Variants in CRYZ observed in about 807,000 individuals in gnomAD.
CRYZ encodes crystallin zeta.
Under a neutral mutation model 34.1 loss-of-function variants are expected in CRYZ, and 35 were observed. The ratio of observed to expected loss-of-function variants is 1.03; its 90% confidence interval spans 0.78 to 1.36. The LOEUF (loss-of-function observed/expected upper bound fraction) is 1.36, where lower values mean the gene tolerates loss of function less well. CRYZ is among the 40% of genes most tolerant of loss of function. The pLI is 0.00. For synonymous variants in CRYZ, 137 were observed against 136.5 expected, an observed-to-expected ratio of 1.00 and a Z score of -0.03; for missense variants, 403 against 391.8, an observed-to-expected ratio of 1.03 and a Z score of -0.24.
intron 1 of CRYZ, among the ~76,000 whole-genome samples, chr1:74,732,264 G>A (rs559040752): frequency 1.4e-5 from 2 of 146,568 alleles, no homozygotes; most frequent in Non-Finnish European, 3.0e-5. Flanking sequence ...GCTGTGCGAA[G>A]GGGCACTACC....
chr1:74,725,410 T>A (rs1394016881), intron 1 of CRYZ, among the ~76,000 whole-genome samples: 2 of 152,144 alleles, frequency 1.3e-5, no homozygotes, highest in Non-Finnish European at 2.9e-5. Context: ...ACAAGAGAGC[T>A]TGTGCAGGGG....
chr1:74,719,976 T>A (rs1467268052), intron 3 of CRYZ, among the ~76,000 whole-genome samples: 1 of 151,956 alleles, frequency 6.6e-6, no homozygotes, highest in African/African-American at 2.4e-5. Context: ...GCATTAAGTG[T>A]CTCTGGAGTG....
chr1:74,710,045 G>T (rs150157740), intron 6 of CRYZ, 53 bp downstream of exon 6: 2 of 1,518,478 alleles, frequency 1.3e-6, no homozygotes, highest in South Asian at 1.2e-5. Flanking sequence ...AAAAAACCAC[G>T]CAAGTCTCCA....
chr1:74,720,797 A>G (rs1647150030), intron 3 of CRYZ, among the ~76,000 whole-genome samples: 1 of 152,214 alleles, frequency 6.6e-6, no homozygotes, highest in African/African-American at 2.4e-5. Context: ...TATACTACAT[A>G]GAAAGCATTA....
intron 3 of CRYZ, among the ~76,000 whole-genome samples, chr1:74,721,128 T>C (rs924819641): frequency 2.6e-5 from 4 of 152,138 alleles, no homozygotes; most frequent in Non-Finnish European, 4.4e-5. Context: ...GCCATGAAAT[T>C]AGCAGCATTT....
At chr1:74,731,525 A>G (rs1471412249) in intron 1 of CRYZ, among the ~76,000 whole-genome samples, 1 of 152,230 alleles carries the variant, frequency 6.6e-6, no homozygotes, top group Non-Finnish European at 1.5e-5. Flanking sequence ...GTGGTCAGAG[A>G]AAGTCTCTTC....
intron 1 of CRYZ, among the ~76,000 whole-genome samples, chr1:74,731,086 C>A (rs1647698508): frequency 6.6e-6 from 1 of 152,120 alleles, no homozygotes; most frequent in Admixed American, 6.5e-5. Context: ...TCCTGTTTAT[C>A]AAATATAAAC....
At chr1:74,720,236 T>C (rs939600009) in intron 3 of CRYZ, among the ~76,000 whole-genome samples, 2 of 152,104 alleles carry the variant, frequency 1.3e-5, no homozygotes, top group East Asian at 3.8e-4. Context: ...ATCCATGAGT[T>C]TCCTCACCCC....
At chr1:74,724,896 C>T (rs1436769238) in intron 1 of CRYZ, 62 bp from the exon 2 acceptor site, 15 of 955,332 alleles carry the variant, frequency 1.6e-5, no homozygotes, top group African/African-American at 3.3e-5. Context: ...CATGTTTTTC[C>T]CCCCTGGAGG....
At chr1:74,726,716 A>G (rs902524970) in intron 1 of CRYZ, among the ~76,000 whole-genome samples, 2 of 152,212 alleles carry the variant, frequency 1.3e-5, no homozygotes, top group South Asian at 4.1e-4. Flanking sequence ...TTCAGGCTGC[A>G]AATTTTCTGA....
At chr1:74,708,659 G>A (rs187201758) in intron 6 of CRYZ, 2 of 152,202 alleles carry the variant, frequency 1.3e-5, no homozygotes, top group East Asian at 1.9e-4. Context: ...CAAAATGAGG[G>A]TTTCTGTCTT....
intron 7 of CRYZ, 21 bp downstream of exon 7, chr1:74,707,082 A>G (rs1199562819): frequency 1.3e-6 from 2 of 1,562,034 alleles, no homozygotes; most frequent in East Asian, 2.2e-5. Context: ...TAAAAAAAAA[A>G]AAAAGAAAAG....
intron 1 of CRYZ, among the ~76,000 whole-genome samples, chr1:74,732,615 GTGCAGCGT>G (rs1409523578): frequency 1.5e-3 from 51 of 34,480 alleles, no homozygotes; most frequent in Non-Finnish European, 2.4e-3. Flanking sequence ...GGGGGGGGGG[GTGCAGCGT>G]GGGGCTGGGG....
intron 4 of CRYZ, among the ~76,000 whole-genome samples, chr1:74,715,015 T>C (rs774460073): frequency 6.6e-6 from 1 of 152,150 alleles, no homozygotes; most frequent in African/African-American, 2.4e-5. Context: ...AGGTTTATTA[T>C]ATAGCTCAGT....
chr1:74,719,519 A>C, intron 3 of CRYZ, 147 bp from the exon 4 acceptor site: 1 of 646,874 alleles, frequency 1.5e-6, no homozygotes, highest in Non-Finnish European at 2.4e-6. Flanking sequence ...TTTTTGAGAC[A>C]GAGTCTTGCA....
intron 4 of CRYZ, among the ~76,000 whole-genome samples, chr1:74,717,101 T>C (rs1647087863): frequency 6.6e-6 from 1 of 152,196 alleles, no homozygotes; most frequent in Admixed American, 6.5e-5. Flanking sequence ...CTTTACCCTT[T>C]CTAGGTTTTA....
intron 4 of CRYZ, among the ~76,000 whole-genome samples, chr1:74,715,741 GAC>G (rs1410308984): frequency 6.6e-6 from 1 of 152,018 alleles, no homozygotes; most frequent in Non-Finnish European, 1.5e-5. Flanking sequence ...AAACACTAAA[GAC>G]ACATTCTCAT....
In CRYZ at chr1:74,723,169, T is replaced by C. The variant is rs978766035; in HGVS notation, c.213A>G (p.Ser71=). 6.2e-6 allele frequency: 10 copies of C among 1,613,924 alleles called. No individual in the cohort carries two copies. Among genetic ancestry groups the C allele is most frequent in the Admixed American group, 1.7e-5 (1 of 59,936 alleles). Residue 71 remains serine (S), a synonymous_variant, in exon 3 of 9, where the codon TCA becomes TCG. Coordinates refer to ENST00000340866, the MANE Select transcript of CRYZ (RefSeq NM_001889.4). ...RKPLLPYTPG[S]DVAGVIEAVG... is the part of the protein sequence containing the mutation. ...CAGCTTCTATCACCCCAGCCACATC[T>C]GAGCCAGGAGTATAGGGTAAGAGTG...
chr1:74,720,936 A>G (rs1647152953), intron 3 of CRYZ, among the ~76,000 whole-genome samples: 1 of 152,170 alleles, frequency 6.6e-6, no homozygotes. Flanking sequence ...GCCACTGAAG[A>G]TAGGTACAAG....
Sources: gnomAD v4.1 joint callset for allele counts (sites outside exome capture counted in the v4.1 genomes callset) on GRCh38, gnomAD v4.1.1 for gene constraint, MANE v1.5 for transcripts, NCBI Gene and HGNC (gene_info 2026-07-23, HGNC 2026-07-21) for gene names.